LRBA: variants seen among roughly 807,000 people sequenced by gnomAD.
The protein encoded by LRBA is LPS responsive beige-like anchor protein, also known as lipopolysaccharide-responsive and beige-like anchor protein.
LRBA carries 176 observed loss-of-function variants against 330.0 expected under a neutral mutation model. That is an observed-to-expected ratio of 0.53 (90% CI 0.47 to 0.60). LRBA has a LOEUF of 0.60. Ranked by LOEUF, LRBA falls within the 20% of genes least tolerant of loss-of-function variation. The pLI is 0.00. For synonymous variants in LRBA, 1,230 were observed against 1,193.0 expected (o/e 1.03, Z -0.64); for missense variants, 3,259 against 3,444.8 (o/e 0.95, Z 1.35).
At chr4:150,342,333 TA>T (rs1413278760) in intron 48 of LRBA, among the ~76,000 whole-genome samples, 1 of 151,900 alleles carries the variant, frequency 6.6e-6, no homozygotes, top group African/African-American at 2.4e-5. Flanking sequence ...TAGAATAGAT[TA>T]AAAAAATGTT....
intron 37 of LRBA, among the ~76,000 whole-genome samples, chr4:150,607,593 G>A (rs1267308632): frequency 6.6e-6 from 1 of 151,716 alleles, no homozygotes; most frequent in Admixed American, 6.6e-5. Context: ...GAAGAGGCCT[G>A]TGCTAGAGAT....
Position 150,648,183 on chromosome 4 carries a change from A to T in LRBA, c.5921+35368T>A, listed in dbSNP as rs1164065536. 6.0e-5 allele frequency among the ~76,000 whole-genome samples: 9 copies of T among 149,276 alleles called. No individual in the cohort carries two copies. In the Admixed American group the frequency reaches 6.1e-4, roughly 10 times the overall value. On this transcript the variant is annotated intron_variant, in intron 37 of 56. Transcript: ENST00000651943. ...CAAAAAAAAAAAAAAAAAAACTAGA[A>T]AAGAGCGAGATGTGCCAGAAACCAG...
intron 41 of LRBA, among the ~76,000 whole-genome samples, chr4:150,489,754 T>TTA (rs910196913): frequency 3.0e-5 from 4 of 134,192 alleles, no homozygotes; most frequent in East Asian, 2.0e-4. Flanking sequence ...TAGGAATATA[T>TTA]TATACATATA....
intron 34 of LRBA, among the ~76,000 whole-genome samples, chr4:150,785,033 G>A (rs532431157): frequency 1.7e-4 from 26 of 152,320 alleles, no homozygotes; most frequent in African/African-American, 6.0e-4. Flanking sequence ...AATCGTTCAT[G>A]CAGAACCTGC....
rs200706145 is a variant in LRBA, at chr4:150,852,548, T to C, written c.3162A>G (p.Ile1054Met). 19 of 1,613,914 alleles carry C rather than the reference T, an allele frequency of 1.2e-5. No homozygotes were observed. The East Asian group carries it at 1.8e-4, about 15-fold the overall frequency. ...TAGAGGAAATAGCCACAGCTTCTAT[T>C]ATGTCAGAAGATACTTCTAAATCAT... The part of the protein sequence containing the change: ...NADDLEVSSD[I>M]IEAVAISSNS... The change falls in exon 23 of 57, where the codon ATA becomes ATG. Residue 1054 changes from isoleucine (I) to methionine (M), a missense_variant. Physicochemically the swap from Ile to Met is conservative, Grantham distance 10 (BLOSUM62 1). Coordinates refer to ENST00000651943, the MANE Select transcript of LRBA (RefSeq NM_001364905.1).
intron 40 of LRBA, among the ~76,000 whole-genome samples, chr4:150,505,716 G>C (rs1487858201): frequency 6.6e-6 from 1 of 152,106 alleles, no homozygotes. Context: ...CAGAAGGCAA[G>C]AAATAACTAA....
At chr4:150,438,844 T>A (rs980527519) in intron 44 of LRBA, among the ~76,000 whole-genome samples, 2 of 152,214 alleles carry the variant, frequency 1.3e-5, no homozygotes, top group Non-Finnish European at 2.9e-5. Flanking sequence ...AGCTTGGTTT[T>A]AATGAATATT....
chr4:150,537,548 C>T (rs952405931), intron 40 of LRBA, among the ~76,000 whole-genome samples: 2 of 152,130 alleles, frequency 1.3e-5, no homozygotes, highest in Non-Finnish European at 2.9e-5. Flanking sequence ...AACAGACAAC[C>T]CATGGAATGG....
chr4:150,628,093 C>A (rs925218442), intron 37 of LRBA, among the ~76,000 whole-genome samples: 1 of 151,878 alleles, frequency 6.6e-6, no homozygotes, highest in Non-Finnish European at 1.5e-5. Context: ...CTTTTAATCC[C>A]AACAGTTGAC....
At chr4:150,863,064 C>G (rs1752168567) in intron 22 of LRBA, among the ~76,000 whole-genome samples, 1 of 151,986 alleles carries the variant, frequency 6.6e-6, no homozygotes, top group Admixed American at 6.6e-5. Flanking sequence ...TTCAGAGGCC[C>G]AGGCGGGGGG....
At chr4:150,872,445 T>C (rs890198084) in intron 18 of LRBA, among the ~76,000 whole-genome samples, 3 of 152,142 alleles carry the variant, frequency 2.0e-5, no homozygotes, top group African/African-American at 4.8e-5. Context: ...ATAATTCACA[T>C]TAAATACATG....
At chr4:150,724,329 C>T (rs1490268083) in intron 36 of LRBA, among the ~76,000 whole-genome samples, 1 of 152,148 alleles carries the variant, frequency 6.6e-6, no homozygotes, top group Non-Finnish European at 1.5e-5. Context: ...GCTGGTAATC[C>T]AGATAATTCT....
At chr4:150,417,036 T>G (rs1395157829) in intron 46 of LRBA, among the ~76,000 whole-genome samples, 1 of 152,140 alleles carries the variant, frequency 6.6e-6, no homozygotes, top group South Asian at 2.1e-4. Flanking sequence ...GCCTGTGTCC[T>G]CAGTCATCAA....
intron 44 of LRBA, among the ~76,000 whole-genome samples, chr4:150,443,847 T>TTAAAAAAA (rs1554027866): frequency 0.042 from 2,247 of 53,780 alleles, 112 homozygotes; most frequent in Non-Finnish European, 0.06. Context: ...AAAGTATAAT[T>TTAAAAAAA]AAAAAAATAT....
At chr4:150,424,884 A>C (rs962006386) in intron 46 of LRBA, among the ~76,000 whole-genome samples, 2 of 152,256 alleles carry the variant, frequency 1.3e-5, no homozygotes, top group African/African-American at 4.8e-5. Context: ...ACTATATTGC[A>C]GTCTCATCAC....
At chr4:150,643,611 T>C (rs1778879588) in intron 37 of LRBA, among the ~76,000 whole-genome samples, 4 of 151,974 alleles carry the variant, frequency 2.6e-5, no homozygotes. Context: ...AGTCCAGTGT[T>C]GTCAGAGCAA....
intron 13 of LRBA, among the ~76,000 whole-genome samples, chr4:150,904,343 T>C (rs912521168): frequency 6.6e-6 from 1 of 152,146 alleles, no homozygotes; most frequent in African/African-American, 2.4e-5. Context: ...ATGACTGTCT[T>C]TACAATAAAA....
chr4:151,006,533 A>C (rs1245344484), intron 2 of LRBA, among the ~76,000 whole-genome samples: 1 of 152,104 alleles, frequency 6.6e-6, no homozygotes, highest in African/African-American at 2.4e-5. Flanking sequence ...TGCATTGTGG[A>C]CATTTCTGTT....
intron 37 of LRBA, among the ~76,000 whole-genome samples, chr4:150,656,861 C>A (rs1369782028): frequency 1.3e-5 from 2 of 152,120 alleles, no homozygotes; most frequent in African/African-American, 2.4e-5. Context: ...GAGCATTATT[C>A]ATAAGGCACC....
Sources: allele counts gnomAD v4.1 joint callset (sites outside exome capture counted in the v4.1 genomes callset), GRCh38; gene constraint gnomAD v4.1.1; transcripts MANE v1.5; gene names NCBI Gene and HGNC (gene_info 2026-07-23, HGNC 2026-07-21).